Variants in SCOC observed in about 807,000 individuals in gnomAD.
The protein encoded by SCOC is short coiled coil protein.
Under a neutral mutation model 9.9 loss-of-function variants are expected in SCOC, and 7 were observed. The observed-to-expected ratio is 0.71, with a 90% confidence interval of 0.40 to 1.33. SCOC has a LOEUF of 1.33. SCOC is among the 40% of genes most tolerant of loss of function. The pLI, the probability that SCOC is intolerant of heterozygous loss-of-function variation, is 0.01. For missense variants in SCOC, 66 were observed against 89.7 expected, an observed-to-expected ratio of 0.74 and a Z score of 1.07; for synonymous variants, 19 against 28.2, an observed-to-expected ratio of 0.67 and a Z score of 1.03.
intron 1 of SCOC, among the ~76,000 whole-genome samples, chr4:140,265,138 A>G (rs1730707084): frequency 6.6e-6 from 1 of 152,152 alleles, no homozygotes; most frequent in South Asian, 2.1e-4. Context: ...TATGCATATT[A>G]ATTTTATTGA....
At chr4:140,365,516 TAA>T (rs1727752506) in intron 2 of SCOC, among the ~76,000 whole-genome samples, 1 of 152,208 alleles carries the variant, frequency 6.6e-6, no homozygotes, top group Non-Finnish European at 1.5e-5. Flanking sequence ...AGAAACATTC[TAA>T]GAGAAATGAA....
At chr4:140,316,678 C>T (rs563370684) in intron 1 of SCOC, among the ~76,000 whole-genome samples, 3 of 152,220 alleles carry the variant, frequency 2.0e-5, no homozygotes, top group African/African-American at 7.2e-5. Flanking sequence ...CCTGACCACC[C>T]CACTGCACCC....
intron 1 of SCOC, among the ~76,000 whole-genome samples, chr4:140,314,756 A>C (rs1267663595): frequency 1.3e-5 from 2 of 152,140 alleles, no homozygotes; most frequent in African/African-American, 4.8e-5. Context: ...CTAAGTGGAG[A>C]CACTAGCGTG....
chr4:140,313,790 T>C (rs962429074), intron 1 of SCOC, among the ~76,000 whole-genome samples: 2 of 149,926 alleles, frequency 1.3e-5, no homozygotes, highest in African/African-American at 5.0e-5. Flanking sequence ...AATTCAGTCC[T>C]GTTTTTTTTT....
intron 1 of SCOC, chr4:140,285,244 T>G: frequency 2.2e-6 from 1 of 456,738 alleles, no homozygotes; most frequent in Non-Finnish European, 4.4e-6. Context: ...AATCGACATA[T>G]CCTTGTAATC....
chr4:140,266,501 T>C (rs1369053685), intron 1 of SCOC, among the ~76,000 whole-genome samples: 2 of 152,062 alleles, frequency 1.3e-5, no homozygotes, highest in African/African-American at 4.8e-5. Flanking sequence ...TACACCTTCA[T>C]TACCTAATTA....
intron 1 of SCOC, among the ~76,000 whole-genome samples, chr4:140,378,159 A>G (rs903920776): frequency 3.9e-5 from 6 of 152,112 alleles, no homozygotes; most frequent in African/African-American, 1.4e-4. Context: ...AACCCTGACT[A>G]GGAGCTGATG....
rs560057872 is a variant in SCOC, at chr4:140,300,441, T to A, written c.-19+43031T>A. Among the ~76,000 whole-genome samples the A allele has an allele frequency of 4.6e-5, 7 of 152,284 alleles. No homozygotes were observed. The South Asian group carries it at 1.4e-3, about 32-fold the overall frequency. On this transcript the variant is annotated intron_variant, in intron 1 of 4. Transcript: ENST00000394205. ...GTCACAGCTAGGCTTCTCCCCCAGG[T>A]ACTCCCCAGTGCCTGGCCTGTGCTG... is the stretch of plus-strand genomic sequence containing the variant.
At chr4:140,349,511 T>A (rs1456198307) in intron 2 of SCOC, among the ~76,000 whole-genome samples, 1 of 152,190 alleles carries the variant, frequency 6.6e-6, no homozygotes, top group Non-Finnish European at 1.5e-5. Flanking sequence ...AGTTTATGAT[T>A]CATAATCCAA....
chr4:140,306,254 G>A (rs1015647934), intron 1 of SCOC, among the ~76,000 whole-genome samples: 72 of 152,190 alleles, frequency 4.7e-4, no homozygotes, highest in African/African-American at 1.7e-3. Context: ...CTCGTGAGAC[G>A]TGTTCACTAT....
chr4:140,289,344 C>G (rs1444424849), intron 1 of SCOC, among the ~76,000 whole-genome samples: 1 of 152,160 alleles, frequency 6.6e-6, no homozygotes, highest in Non-Finnish European at 1.5e-5. Context: ...TATCAGCCGC[C>G]CTTTTCAAGT....
intron 1 of SCOC, among the ~76,000 whole-genome samples, chr4:140,305,217 A>C (rs1247881271): frequency 1.3e-5 from 2 of 152,234 alleles, no homozygotes; most frequent in Non-Finnish European, 2.9e-5. Flanking sequence ...TGTGAGAGAC[A>C]GAACAGGTCT....
At chr4:140,293,398 A>G (rs994212307) in intron 1 of SCOC, 13 of 456,720 alleles carry the variant, frequency 2.8e-5, no homozygotes, top group Non-Finnish European at 1.8e-5. Flanking sequence ...ACAGGATTGG[A>G]GGTGTAAGCT....
chr4:140,331,873 A>AC (rs1212070343), intron 1 of SCOC, among the ~76,000 whole-genome samples: 1 of 152,168 alleles, frequency 6.6e-6, no homozygotes, highest in Non-Finnish European at 1.5e-5. Flanking sequence ...ATTTCTAAAG[A>AC]ACAGAGGTTT....
chr4:140,302,158 C>T (rs1578788238), intron 1 of SCOC, among the ~76,000 whole-genome samples: 1 of 152,286 alleles, frequency 6.6e-6, no homozygotes, highest in East Asian at 1.9e-4. Context: ...TAAAAAGAAG[C>T]CTAATTGCCA....
chr4:140,327,070 CA>C (rs1483364030), intron 1 of SCOC, among the ~76,000 whole-genome samples: 4 of 152,216 alleles, frequency 2.6e-5, no homozygotes, highest in African/African-American at 7.2e-5. Context: ...TCAGCACCAT[CA>C]AAACTACTAC....
At chr4:140,280,894 T>C (rs1731082394) in intron 1 of SCOC, among the ~76,000 whole-genome samples, 1 of 152,064 alleles carries the variant, frequency 6.6e-6, no homozygotes, top group South Asian at 2.1e-4. Flanking sequence ...TCCCAATACA[T>C]TTGCGGAAAT....
chr4:140,268,152 G>A (rs1237169780), intron 1 of SCOC, among the ~76,000 whole-genome samples: 1 of 152,242 alleles, frequency 6.6e-6, no homozygotes, highest in African/African-American at 2.4e-5. Flanking sequence ...GCACCAGAGA[G>A]CAGAGAAAGC....
At chr4:140,285,309 G>A (rs1445468461) in intron 1 of SCOC, 2 of 456,232 alleles carry the variant, frequency 4.4e-6, no homozygotes, top group African/African-American at 4.0e-5. Context: ...TTAGATGATA[G>A]GAGGAAAATT....
Sources: allele counts gnomAD v4.1 joint callset (sites outside exome capture counted in the v4.1 genomes callset), GRCh38; gene constraint gnomAD v4.1.1; transcripts MANE v1.5; gene names NCBI Gene and HGNC (gene_info 2026-07-23, HGNC 2026-07-21).